Variants in NR2C1 observed in about 807,000 individuals in gnomAD.
The protein encoded by NR2C1 is nuclear receptor subfamily 2 group C member 1.
In NR2C1, 33 loss-of-function variants were observed where a neutral mutation model predicts 74.8. That is an observed-to-expected ratio of 0.44 (90% CI 0.33 to 0.59). NR2C1 has a LOEUF of 0.59. Ranked by LOEUF, NR2C1 falls within the 20% of genes least tolerant of loss-of-function variation. NR2C1 has a pLI of 0.02. For synonymous variants in NR2C1, 225 were observed against 240.6 expected (o/e 0.94, Z 0.60); for missense variants, 568 against 715.6 (o/e 0.79, Z 2.35).
intron 9 of NR2C1, among the ~76,000 whole-genome samples, chr12:95,041,965 A>G (rs982702889): frequency 1.3e-5 from 2 of 152,246 alleles, no homozygotes; most frequent in Non-Finnish European, 2.9e-5. Flanking sequence ...TTAAAATTGG[A>G]AAGATAAACT....
intron 10 of NR2C1, among the ~76,000 whole-genome samples, chr12:95,033,456 A>T (rs1221241010): frequency 6.6e-6 from 1 of 152,186 alleles, no homozygotes; most frequent in Non-Finnish European, 1.5e-5. Context: ...ACCAAAAATC[A>T]GATCTAGGGG....
intron 2 of NR2C1, among the ~76,000 whole-genome samples, chr12:95,064,120 G>A (rs1030208179): frequency 3.3e-5 from 5 of 150,154 alleles, no homozygotes; most frequent in Middle Eastern, 3.5e-3. Flanking sequence ...ATGAGGTCAG[G>A]AGATTGAGAC....
chr12:95,062,807 A>C, intron 2 of NR2C1, 69 bp from the exon 3 acceptor site: 1 of 1,163,350 alleles, frequency 8.6e-7, no homozygotes. Context: ...TTATCTTCTT[A>C]GAAAAGCACA....
intron 3 of NR2C1, among the ~76,000 whole-genome samples, chr12:95,060,375 T>G (rs958534108): frequency 3.9e-5 from 6 of 152,132 alleles, no homozygotes; most frequent in Non-Finnish European, 5.9e-5. Context: ...AAAAAAAGGC[T>G]GGGTGCGGTG....
At position 95,039,945 on chromosome 12, in the gene NR2C1, T is replaced by G. The variant is rs530603459; in HGVS notation, c.1253+531A>C. 2.6e-5 allele frequency among the ~76,000 whole-genome samples: 4 copies of G among 152,294 alleles called. No individual in the cohort carries two copies. The East Asian group carries it at 7.7e-4, about 29-fold the overall frequency. The stretch of plus-strand genomic sequence containing the variant: ...GTTAGTTACCATGCCCAACCTCAGA[T>G]GTACTCTTGAGTGGTAAGACTAACC... On this transcript the variant is annotated intron_variant, in intron 10 of 13. Transcript: ENST00000333003.
chr12:95,048,461 C>T (rs916754776), intron 9 of NR2C1, among the ~76,000 whole-genome samples: 1 of 152,156 alleles, frequency 6.6e-6, no homozygotes, highest in African/African-American at 2.4e-5. Context: ...GCAATAACTG[C>T]TATTATAACT....
chr12:95,034,670 T>C (rs902378666), intron 10 of NR2C1, among the ~76,000 whole-genome samples: 2 of 152,214 alleles, frequency 1.3e-5, no homozygotes, highest in Non-Finnish European at 2.9e-5. Context: ...CTTAAGATTG[T>C]AATACCATAT....
intron 1 of NR2C1, among the ~76,000 whole-genome samples, chr12:95,071,998 T>C (rs887528610): frequency 5.3e-5 from 8 of 151,798 alleles, no homozygotes; most frequent in Non-Finnish European, 1.2e-4. Flanking sequence ...TCCGCCCACC[T>C]CAGCCTCCCA....
At chr12:95,068,275 A>G (rs527910574) in intron 1 of NR2C1, among the ~76,000 whole-genome samples, 1 of 151,984 alleles carries the variant, frequency 6.6e-6, no homozygotes, top group Non-Finnish European at 1.5e-5. Flanking sequence ...ATTACGGTAC[A>G]CTCTAATGAA....
At chr12:95,050,467 C>T (rs1363879002) in intron 8 of NR2C1, among the ~76,000 whole-genome samples, 1 of 152,076 alleles carries the variant, frequency 6.6e-6, no homozygotes, top group Non-Finnish European at 1.5e-5. Flanking sequence ...CGCCACCACA[C>T]CCAGCTAATT....
At chr12:95,062,385 C>T in intron 3 of NR2C1, 123 bp downstream of exon 3, 1 of 651,412 alleles carries the variant, frequency 1.5e-6, no homozygotes, top group Non-Finnish European at 2.6e-6. Flanking sequence ...CTGTGTTACA[C>T]ATAATTTTAT....
At chr12:95,050,300 T>G (rs1872800814) in intron 8 of NR2C1, among the ~76,000 whole-genome samples, 2 of 152,120 alleles carry the variant, frequency 1.3e-5, no homozygotes, top group Admixed American at 1.3e-4. Context: ...GTTTATTCAG[T>G]ATATATATTA....
rs1329143817 is a variant in NR2C1 at position 95,031,400 on chromosome 12, C to G, written c.1342G>C (p.Ala448Pro). The change falls in exon 11 of 14, where the codon GCA (alanine) becomes CCA (proline). Residue 448 changes from alanine (A) to proline (P), a missense_variant. Around this residue, in one of 6 missense-constraint regions of NR2C1, gnomAD observed 117 missense variants for 186.7 expected, o/e 0.63. Coordinates refer to ENST00000333003, the MANE Select transcript of NR2C1 (RefSeq NM_003297.4). ...LAQCWQVMNV[A>P]TILATFVNCL... ...TTGACAAATGTTGCTAATATAGTTG[C>G]TACATTCATCACTTGCCAGCACTGG... is the stretch of plus-strand genomic sequence containing the variant. 2 of 1,606,848 alleles carry G rather than the reference C, an allele frequency of 1.2e-6. No homozygotes were observed. Among genetic ancestry groups the G allele is most frequent in the Non-Finnish European group, 1.7e-6 (2 of 1,177,188 alleles).
At chr12:95,064,199 T>A (rs1475187385) in intron 2 of NR2C1, among the ~76,000 whole-genome samples, 1 of 146,890 alleles carries the variant, frequency 6.8e-6, no homozygotes, top group Non-Finnish European at 1.5e-5. Context: ...CATGGTGGCA[T>A]GTGCCTGTAA....
chr12:95,040,658 T>C (rs1592744783), intron 9 of NR2C1, 61 bp from the exon 10 acceptor site: 1 of 1,504,122 alleles, frequency 6.6e-7, no homozygotes, highest in East Asian at 2.3e-5. Flanking sequence ...AATTATCATT[T>C]CTTTGAAAAA....
At chr12:95,027,714 C>T (rs549484795) in intron 12 of NR2C1, among the ~76,000 whole-genome samples, 144 of 151,602 alleles carry the variant, frequency 9.5e-4, no homozygotes, top group African/African-American at 3.3e-3. Flanking sequence ...CCAGCCTGGG[C>T]GACAGAGTGA....
chr12:95,056,099 C>T (rs747075284), intron 7 of NR2C1, among the ~76,000 whole-genome samples: 7 of 151,750 alleles, frequency 4.6e-5, no homozygotes, highest in Non-Finnish European at 8.8e-5. Flanking sequence ...AACTCGGTCT[C>T]TACAAAAATA....
chr12:95,062,132 G>C (rs1025003216), intron 3 of NR2C1, among the ~76,000 whole-genome samples: 1 of 152,196 alleles, frequency 6.6e-6, no homozygotes, highest in African/African-American at 2.4e-5. Context: ...TAATTATGAA[G>C]TAGGAGGTCT....
rs957073704 is a variant in NR2C1 at position 95,073,520 on chromosome 12, A to G, written c.-148T>C. The G allele has an allele frequency of 6.6e-6, 1 of 152,246 alleles. No individual in the cohort carries two copies. The highest frequency in any genetic ancestry group is 2.4e-5 in the African/African-American group (1 of 41,460). The allele number at this position is 152,246 out of a possible 1,614,324, so 9.4% of individuals were successfully genotyped here. ...TGTGGGATCGAGATTCACGGCGGAGAGAGCTTTCTGTGTTTGGGTATTTCT... is the reference window on the plus strand; with the variant it reads ...TGTGGGATCGAGATTCACGGCGGAGGGAGCTTTCTGTGTTTGGGTATTTCT... On this transcript the variant is annotated 5_prime_UTR_variant, in exon 1 of 14. Coordinates refer to ENST00000333003, the MANE Select transcript of NR2C1 (RefSeq NM_003297.4).
Sources: allele counts gnomAD v4.1 joint callset (sites outside exome capture counted in the v4.1 genomes callset), GRCh38; gene constraint gnomAD v4.1.1; regional missense constraint gnomAD v4.1.1; transcripts MANE v1.5; gene names NCBI Gene and HGNC (gene_info 2026-07-23, HGNC 2026-07-21).